Variants in ICA1L observed in about 807,000 individuals in gnomAD.
ICA1L encodes islet cell autoantigen 1 like, also known as islet cell autoantigen 1-like protein.
Under a neutral mutation model 61.3 loss-of-function variants are expected in ICA1L, and 50 were observed. The observed-to-expected ratio is 0.82, with a 90% CI of 0.65 to 1.03. The LOEUF (loss-of-function observed/expected upper bound fraction) is 1.03. ICA1L is among the 50% of genes least tolerant of loss of function. The pLI, the probability that ICA1L is intolerant of heterozygous loss-of-function variation, is 0.00. For missense variants in ICA1L, 508 were observed against 556.7 expected (o/e 0.91, Z 0.88); for synonymous variants, 161 against 191.3 (o/e 0.84, Z 1.31).
chr2:202,832,625 T>G (rs1296781050), intron 1 of ICA1L, among the ~76,000 whole-genome samples: 1 of 151,970 alleles, frequency 6.6e-6, no homozygotes, highest in East Asian at 1.9e-4. Context: ...AATTTAAAAT[T>G]CACTGCAGCT....
At position 202,774,227 on chromosome 2, in the gene ICA1L, G is replaced by T; in HGVS notation, c.*5306C>A. On this transcript the variant is annotated 3_prime_UTR_variant, in exon 13 of 13. Transcript: ENST00000358299. ...CAGCGCCGGATCGAAGGCGCGGGGC[G>T]GCTCCTGAGTCTTCTCGCTCCTGTC... 3 of 1,549,424 alleles carry T rather than the reference G, an allele frequency of 1.9e-6. No individual in the cohort carries two copies. Among genetic ancestry groups the T allele is most frequent in the Non-Finnish European group, 8.7e-7 (1 of 1,146,240 alleles).
intron 9 of ICA1L, among the ~76,000 whole-genome samples, chr2:202,808,792 T>C (rs1444800890): frequency 6.6e-6 from 1 of 152,188 alleles, no homozygotes; most frequent in African/African-American, 2.4e-5. Flanking sequence ...TCTACAATTG[T>C]GCAAGAGCCA....
rs946498142 is a variant in ICA1L, at chr2:202,796,038, TA to T, written c.985+851del. 2.9e-3 allele frequency among the ~76,000 whole-genome samples: 388 copies of T among 136,084 alleles called. 1 individual carries two copies. The highest frequency in any genetic ancestry group is 0.012 in the East Asian group (55 of 4,780). The allele number at this position is 136,084 out of a possible 152,430, so 89.3% of individuals were successfully genotyped here. On this transcript the variant is annotated intron_variant, in intron 10 of 12. Coordinates refer to ENST00000358299, the MANE Select transcript of ICA1L (RefSeq NM_001288622.3). ...AGCCTGGATGACAGAGCGAGACTGT[TA>T]AAAAAAAAAAAAAGTATATAAAGGA... is the stretch of plus-strand genomic sequence containing the variant.
At chr2:202,850,381 A>G (rs374979458) in intron 1 of ICA1L, among the ~76,000 whole-genome samples, 7 of 152,326 alleles carry the variant, frequency 4.6e-5, no homozygotes, top group African/African-American at 1.7e-4. Context: ...AAGGAAGCTA[A>G]GAACCTTGAT....
intron 1 of ICA1L, among the ~76,000 whole-genome samples, chr2:202,863,089 T>C (rs188750662): frequency 6.6e-6 from 1 of 150,712 alleles, no homozygotes; most frequent in Admixed American, 6.6e-5. Context: ...GTCAGGAGTT[T>C]GAGACCAGCC....
intron 1 of ICA1L, among the ~76,000 whole-genome samples, chr2:202,865,469 GAA>G (rs75429547): frequency 4.6e-5 from 6 of 130,880 alleles, no homozygotes; most frequent in East Asian, 2.3e-4. Flanking sequence ...ACTCCATCCC[GAA>G]AAAAAAAAAA....
At chr2:202,788,115 T>C (rs6733972) in intron 11 of ICA1L, among the ~76,000 whole-genome samples, 64,534 of 152,102 alleles carry the variant, frequency 0.42, 14,602 homozygotes, top group Middle Eastern at 0.66. Context: ...GCAGGTTTTA[T>C]CCCTGGAAAC....
At chr2:202,796,680 G>C (rs903666483) in intron 10 of ICA1L, among the ~76,000 whole-genome samples, 1 of 152,130 alleles carries the variant, frequency 6.6e-6, no homozygotes, top group Non-Finnish European at 1.5e-5. Flanking sequence ...AGCCCTAGCT[G>C]TCCTGGTTAT....
chr2:202,836,800 T>TATATATAGATATATAGATATATATAG (rs1462443281), intron 1 of ICA1L, among the ~76,000 whole-genome samples: 2 of 145,788 alleles, frequency 1.4e-5, no homozygotes, highest in Non-Finnish European at 3.0e-5. Context: ...TATATCTATA[T>TATATATAGATATATAGATATATATAG]ATATAGATAT....
rs2105810630 is a variant in ICA1L, at chr2:202,777,711, A to G, written c.*1822T>C. 6.6e-6 allele frequency: 1 copy of G among 152,158 alleles called. No homozygotes were observed. Among genetic ancestry groups the G allele is most frequent in the East Asian group, 1.9e-4 (1 of 5,176 alleles). 9.4% of individuals were successfully genotyped at this position (152,158 alleles called of 1,614,324 possible). On this transcript the variant is annotated 3_prime_UTR_variant, in exon 13 of 13. Transcript: ENST00000358299. ...TCTGGAGAGCCTGTGGGCAGTTACT[A>G]TTGTAGATGGCTATGGATGGGACAT...
intron 9 of ICA1L, among the ~76,000 whole-genome samples, chr2:202,801,557 T>A (rs1441956617): frequency 2.0e-5 from 3 of 152,236 alleles, no homozygotes; most frequent in Non-Finnish European, 4.4e-5. Flanking sequence ...AGAAAATTTG[T>A]CCCATCCTTG....
intron 9 of ICA1L, among the ~76,000 whole-genome samples, chr2:202,797,313 C>T (rs1260424861): frequency 1.3e-5 from 2 of 152,058 alleles, no homozygotes; most frequent in East Asian, 1.9e-4. Context: ...ACTTGTTCTG[C>T]CTGATCTCCA....
At position 202,774,190 on chromosome 2, in the gene ICA1L, C is replaced by T; in HGVS notation, c.*5343G>A. On this transcript the variant is annotated 3_prime_UTR_variant, in exon 13 of 13. Coordinates refer to ENST00000358299, the MANE Select transcript of ICA1L (RefSeq NM_001288622.3). The stretch of plus-strand genomic sequence containing the variant: ...GCGGCTTCTTGGAGAGCGGGCACAC[C>T]AGGAACTCCAGCAGCGCCGGATCGA... 4.5e-6 allele frequency: 7 copies of T among 1,550,954 alleles called. No individual in the cohort carries two copies. The highest frequency in any genetic ancestry group is 6.1e-6 in the Non-Finnish European group (7 of 1,146,554).
chr2:202,832,175 T>C (rs1165951092), intron 1 of ICA1L, among the ~76,000 whole-genome samples: 1 of 152,162 alleles, frequency 6.6e-6, no homozygotes, highest in Non-Finnish European at 1.5e-5. Flanking sequence ...AAAATTCTTT[T>C]TCAGAGAAGC....
In ICA1L at chr2:202,846,547, G is replaced by A. The variant is rs368640534; in HGVS notation, c.-7-17531C>T. On this transcript the variant is annotated intron_variant, in intron 1 of 12. Transcript: ENST00000358299. ...TGCCAGAGTGGTTCACAGAACTCAG[G>A]GAAACACTCAGAGTCTCAAGGCAGG... Among the ~76,000 whole-genome samples the A allele has an allele frequency of 1.8e-4, 27 of 152,184 alleles. 1 individual carries two copies. The South Asian group carries it at 5.6e-3, about 32-fold the overall frequency.
rs754199823 is a variant in ICA1L, at chr2:202,789,067, C to G, written c.1006G>C (p.Asp336His). The G allele has an allele frequency of 3.4e-5, 55 of 1,610,486 alleles. No homozygotes were observed. The highest frequency in any genetic ancestry group is 4.7e-5 in the Non-Finnish European group (55 of 1,178,830). The change falls in exon 11 of 13, where the codon GAT becomes CAT. Residue 336 changes from aspartate (D) to histidine (H), a missense_variant. Coordinates refer to ENST00000358299, the MANE Select transcript of ICA1L (RefSeq NM_001288622.3). ...TCAAAATCTTCTCCTTCCAATGAAT[C>G]TACAGGTAGATCTTTTGCAACTATT... is the stretch of plus-strand genomic sequence containing the variant. ...SENVAKDLPV[D>H]SLEGEDFEKE...
intron 10 of ICA1L, among the ~76,000 whole-genome samples, chr2:202,792,063 G>A (rs1692771928): frequency 6.6e-6 from 1 of 152,222 alleles, no homozygotes; most frequent in East Asian, 1.9e-4. Flanking sequence ...AGCTACTCAG[G>A]AGGCTGAGGC....
At position 202,816,113 on chromosome 2, in the gene ICA1L, TAAG is replaced by T. The variant is rs1693526364; in HGVS notation, c.685-107_685-105del. 5 of 624,956 alleles carry T rather than the reference TAAG, an allele frequency of 8.0e-6. No individual in the cohort carries two copies. The East Asian group carries it at 9.5e-5, about 12-fold the overall frequency. 38.7% of individuals were successfully genotyped at this position (624,956 alleles called of 1,614,324 possible). A position where few individuals can be genotyped will look rare whatever the true frequency, so the allele number is the denominator to read the frequency against. The stretch of plus-strand genomic sequence containing the variant: ...TAGTAGATGAACAGTTGCCAAAAAA[TAAG>T]AAGCAGGAACTAAATTCAATTTTCC... On this transcript the variant is annotated intron_variant, in intron 6 of 12. Transcript: ENST00000358299.
intron 12 of ICA1L, among the ~76,000 whole-genome samples, 173 bp from the exon 13 acceptor site, chr2:202,779,821 T>C (rs759058182): frequency 5.3e-5 from 8 of 151,726 alleles, no homozygotes; most frequent in African/African-American, 9.7e-5. Context: ...TTTTTTTGTT[T>C]TCGGTAGAGA....
Sources: allele counts gnomAD v4.1 joint callset (sites outside exome capture counted in the v4.1 genomes callset), GRCh38; gene constraint gnomAD v4.1.1; transcripts MANE v1.5; gene names NCBI Gene and HGNC (gene_info 2026-07-23, HGNC 2026-07-21).